ARIH2: variants seen among roughly 807,000 people sequenced by gnomAD.
ARIH2 encodes ariadne RBR E3 ubiquitin protein ligase 2.
In ARIH2, 12 loss-of-function variants were observed where a neutral mutation model predicts 79.8. The observed-to-expected ratio is 0.15, with a 90% CI of 0.10 to 0.24. The LOEUF (loss-of-function observed/expected upper bound fraction) is 0.24. ARIH2 is among the 10% of genes least tolerant of loss of function. The pLI is 1.00. For synonymous variants in ARIH2, 224 were observed against 213.9 expected (o/e 1.05, Z -0.41); for missense variants, 301 against 618.3 (o/e 0.49, Z 5.44).
At chr3:48,976,525 A>G (rs1450789293) in intron 11 of ARIH2, among the ~76,000 whole-genome samples, 1 of 152,044 alleles carries the variant, frequency 6.6e-6, no homozygotes, top group Admixed American at 6.6e-5. Context: ...GAGCCCTCTC[A>G]ATCAGAGTGG....
intron 9 of ARIH2, 96 bp from the exon 10 acceptor site, chr3:48,974,721 T>G (rs940494479): frequency 3.8e-6 from 5 of 1,311,650 alleles, no homozygotes; most frequent in Non-Finnish European, 5.5e-6. Context: ...GCTCACACCA[T>G]GAGCAACTGG....
chr3:48,932,149 A>G (rs1366445439), intron 3 of ARIH2, among the ~76,000 whole-genome samples: 1 of 152,250 alleles, frequency 6.6e-6, no homozygotes, highest in Non-Finnish European at 1.5e-5. Context: ...GAAGGTGCCC[A>G]GAAAATCAGA....
intron 1 of ARIH2, 39 bp downstream of exon 1, chr3:48,919,037 G>A: frequency 7.4e-7 from 1 of 1,354,444 alleles, no homozygotes; most frequent in Non-Finnish European, 9.5e-7. Context: ...GTTTACCTTG[G>A]CTGGCCGCTG....
intron 3 of ARIH2, among the ~76,000 whole-genome samples, chr3:48,948,325 A>G (rs2107346843): frequency 6.7e-6 from 1 of 148,338 alleles, no homozygotes; most frequent in Non-Finnish European, 1.5e-5. Context: ...CTGGAGTGCA[A>G]TGGCGCGATC....
intron 9 of ARIH2, among the ~76,000 whole-genome samples, chr3:48,974,295 T>C (rs905110670): frequency 1.3e-4 from 20 of 152,294 alleles, no homozygotes. Flanking sequence ...ACAGTTACGA[T>C]AACGACATTA....
chr3:48,934,272 T>C (rs773100389), intron 3 of ARIH2: 71 of 587,350 alleles, frequency 1.2e-4, no homozygotes, highest in Non-Finnish European at 1.3e-4. Context: ...TCTTAATTGG[T>C]ACTAAATACT....
intron 11 of ARIH2, chr3:48,975,227 A>G: frequency 1.7e-6 from 1 of 602,750 alleles, no homozygotes; most frequent in Admixed American, 3.1e-5. Context: ...AAACCTCATG[A>G]TCCTCAGTTA....
intron 3 of ARIH2, among the ~76,000 whole-genome samples, chr3:48,947,803 A>G (rs938752723): frequency 1.3e-5 from 2 of 152,230 alleles, no homozygotes; most frequent in Non-Finnish European, 2.9e-5. Context: ...GGACATTCAT[A>G]TACTATACCA....
intron 3 of ARIH2, among the ~76,000 whole-genome samples, chr3:48,928,214 C>T (rs933157643): frequency 4.6e-5 from 7 of 152,172 alleles, no homozygotes; most frequent in Non-Finnish European, 8.8e-5. Context: ...TGAGAGTATA[C>T]AGATCCCTCT....
chr3:48,932,904 A>G (rs998540235), intron 3 of ARIH2, among the ~76,000 whole-genome samples: 7 of 152,102 alleles, frequency 4.6e-5, no homozygotes, highest in Non-Finnish European at 8.8e-5. Context: ...AATGCAGGTT[A>G]TAGAAGTCCT....
chr3:48,919,283 G>A, intron 1 of ARIH2: 1 of 1,098,708 alleles, frequency 9.1e-7, no homozygotes, highest in Non-Finnish European at 1.2e-6. Flanking sequence ...CTCTCTCCCT[G>A]TCTGGCGCGG....
chr3:48,967,113 G>A lies in ARIH2; in HGVS notation c.388-12G>A. The A allele has an allele frequency of 6.2e-7, 1 of 1,612,932 alleles. No homozygotes were observed. The highest frequency in any genetic ancestry group is 8.5e-7 in the Non-Finnish European group (1 of 1,179,274). On this transcript the variant is annotated splice_polypyrimidine_tract_variant and intron_variant, in intron 5 of 15. Transcript: ENST00000356401. The stretch of plus-strand genomic sequence containing the variant: ...ACTCCTCTTTGGCTCATGTGGCTCT[G>A]TTTCTCTCCAGGTTCCCACATCCCA...
chr3:48,975,526 C>G (rs1426802062), intron 11 of ARIH2, among the ~76,000 whole-genome samples: 1 of 151,842 alleles, frequency 6.6e-6, no homozygotes, highest in Non-Finnish European at 1.5e-5. Flanking sequence ...GGGTCTTCTA[C>G]GCAGCTGCTT....
At position 48,944,817 on chromosome 3, in the gene ARIH2, A is replaced by G. The variant is rs373792315; in HGVS notation, c.256-16795A>G. 7.9e-5 allele frequency among the ~76,000 whole-genome samples: 12 copies of G among 152,112 alleles called. 2 individuals carry two copies. The highest frequency in any genetic ancestry group is 2.7e-4 in the African/African-American group (11 of 41,472). ...TCTTTCTTCCTCTTGTCCCTTTAGT[A>G]CTTTCTTGCCTCCCTCCACATCATC... On this transcript the variant is annotated intron_variant, in intron 3 of 15. Coordinates refer to ENST00000356401, the MANE Select transcript of ARIH2 (RefSeq NM_006321.4).
At chr3:48,934,468 G>A (rs2086840760) in intron 3 of ARIH2, 1 of 985,234 alleles carries the variant, frequency 1.0e-6, no homozygotes, top group African/African-American at 1.7e-5. Flanking sequence ...TCATGGGAAA[G>A]TATCTTCAAG....
chr3:48,927,037 C>G (rs1420791553), intron 2 of ARIH2: 1 of 159,026 alleles, frequency 6.3e-6, no homozygotes, highest in Non-Finnish European at 1.4e-5. Context: ...TATTTATGTA[C>G]TGTCTGTATC....
At chr3:48,962,335 C>T (rs980191252) in intron 4 of ARIH2, among the ~76,000 whole-genome samples, 2 of 151,970 alleles carry the variant, frequency 1.3e-5, no homozygotes, top group Non-Finnish European at 2.9e-5. Context: ...CGAGATTGTG[C>T]CACTGCACTC....
chr3:48,950,506 A>G (rs1267835592), intron 3 of ARIH2, among the ~76,000 whole-genome samples: 1 of 152,106 alleles, frequency 6.6e-6, no homozygotes, highest in African/African-American at 2.4e-5. Flanking sequence ...ATTGCTTTGG[A>G]TATTCTGGAT....
intron 11 of ARIH2, among the ~76,000 whole-genome samples, chr3:48,975,390 T>G (rs369180515): frequency 6.6e-6 from 1 of 152,190 alleles, no homozygotes; most frequent in East Asian, 1.9e-4. Context: ...TAGTGGGGGT[T>G]TTGATTTAGC....
Sources: gnomAD v4.1 joint callset for allele counts (sites outside exome capture counted in the v4.1 genomes callset) on GRCh38, gnomAD v4.1.1 for gene constraint, MANE v1.5 for transcripts, NCBI Gene and HGNC (gene_info 2026-07-23, HGNC 2026-07-21) for gene names.